The following SLC2A10 variants were observed in gnomAD, a reference collection of about 807,000 sequenced individuals.
SLC2A10 encodes the protein solute carrier family 2, facilitated glucose transporter member 10.
A neutral mutation model predicts 32.1 loss-of-function variants in SLC2A10; 25 were observed. That is an observed-to-expected ratio of 0.78 (90% confidence interval 0.57 to 1.09). The LOEUF (loss-of-function observed/expected upper bound fraction) is 1.09, where lower values mean the gene tolerates loss of function less well. SLC2A10 is among the 50% of genes least tolerant of loss of function. The pLI is 0.00. For synonymous variants in SLC2A10, 332 were observed against 309.6 expected (o/e 1.07, Z -0.76); for missense variants, 673 against 686.5 (o/e 0.98, Z 0.22).
chr20:46,725,093 C>T lies in SLC2A10; in HGVS notation c.57C>T (p.Gly19=), dbSNP rs1600666379. The T allele has an allele frequency of 1.2e-6, 2 of 1,614,070 alleles. No individual in the cohort carries two copies. The change falls in exon 2 of 5, where the codon GGC becomes GGT. Residue 19 remains glycine, a synonymous_variant. Coordinates refer to ENST00000359271, the MANE Select transcript of SLC2A10 (RefSeq NM_030777.4). The part of the protein sequence containing the change: ...PLCASVSLLG[G]LTFGYELAVI... ...GTGCCTCTGTGTCTTTGCTGGGTGG[C>T]CTGACCTTTGGTTATGAACTGGCAG...
chr20:46,725,262 C>G lies in SLC2A10; in HGVS notation c.226C>G (p.Gln76Glu), dbSNP rs763261551. Residue 76 changes from glutamine (Q) to glutamate (E), a missense_variant, in exon 2 of 5, where the codon CAA becomes GAA. By Grantham distance (29) the Gln-to-Glu change is conservative. Transcript: ENST00000359271. ...GFLIDCYGRK[Q>E]AILGSNLVLL... The stretch of plus-strand genomic sequence containing the variant: ...CCTCATTGACTGCTATGGCAGGAAG[C>G]AAGCCATCCTCGGGAGCAACTTGGT... The G allele has an allele frequency of 6.2e-7, 1 of 1,614,106 alleles. No homozygotes were observed. Among genetic ancestry groups the G allele is most frequent in the East Asian group, 2.2e-5 (1 of 44,874 alleles).
intron 1 of SLC2A10, among the ~76,000 whole-genome samples, chr20:46,711,841 C>T (rs1233333746): frequency 6.6e-6 from 1 of 152,172 alleles, no homozygotes; most frequent in Non-Finnish European, 1.5e-5. Flanking sequence ...ATCAAATACC[C>T]TTATCACAGG....
chr20:46,727,849 G>C (rs1980060314), intron 3 of SLC2A10, among the ~76,000 whole-genome samples: 1 of 152,148 alleles, frequency 6.6e-6, no homozygotes, highest in African/African-American at 2.4e-5. Context: ...ACAGTTCTTA[G>C]GGTTCAGTTA....
At chr20:46,716,072 T>A (rs1169769398) in intron 1 of SLC2A10, among the ~76,000 whole-genome samples, 1 of 152,140 alleles carries the variant, frequency 6.6e-6, no homozygotes, top group Non-Finnish European at 1.5e-5. Context: ...TGACCTTAAG[T>A]GAGTTGCTTT....
intron 1 of SLC2A10, among the ~76,000 whole-genome samples, chr20:46,714,069 G>T (rs1034611091): frequency 2.0e-5 from 3 of 152,142 alleles, no homozygotes; most frequent in African/African-American, 7.2e-5. Context: ...CCAACCTTCA[G>T]AAAATCCAGA....
chr20:46,733,713 A>G, intron 4 of SLC2A10, 43 bp from the exon 5 acceptor site: 1 of 1,559,938 alleles, frequency 6.4e-7, no homozygotes, highest in African/African-American at 1.4e-5. Context: ...GGACGGCCCC[A>G]GGCCCTGCCA....
At chr20:46,721,397 T>G (rs972202738) in intron 1 of SLC2A10, among the ~76,000 whole-genome samples, 1 of 150,016 alleles carries the variant, frequency 6.7e-6, no homozygotes, top group Non-Finnish European at 1.5e-5. Flanking sequence ...ACTATATATG[T>G]GTAAAAATGA....
chr20:46,725,559 G>A lies in SLC2A10; in HGVS notation c.523G>A (p.Ala175Thr). 1.9e-6 allele frequency: 3 copies of A among 1,614,180 alleles called. No homozygotes were observed. The highest frequency in any genetic ancestry group is 1.7e-5 in the Admixed American group (1 of 60,026). The stretch of plus-strand genomic sequence containing the variant: ...CATGTTCGGCTGGGCCACTGCACCT[G>A]CTGTCCTGCAATCCCTCAGCCTCCT... ...RHMFGWATAPAVLQSLSLLFL... is the reference protein window; with the variant it reads ...RHMFGWATAPTVLQSLSLLFL... The change falls in exon 2 of 5, where the codon GCT becomes ACT. Residue 175 changes from alanine to threonine, a missense_variant. Transcript: ENST00000359271.
chr20:46,733,868 G>C lies in SLC2A10; in HGVS notation c.*34G>C. On this transcript the variant is annotated 3_prime_UTR_variant, in exon 5 of 5. Coordinates refer to ENST00000359271, the MANE Select transcript of SLC2A10 (RefSeq NM_030777.4). ...TCTGCCTGGAAATTCTGGAACTGTG[G>C]CTTTGGCAGACCATCTCCAGCATCC... 1 of 1,601,546 alleles carries C rather than the reference G, an allele frequency of 6.2e-7. No individual in the cohort carries two copies. The highest frequency in any genetic ancestry group is 8.6e-7 in the Non-Finnish European group (1 of 1,168,962).
intron 1 of SLC2A10, among the ~76,000 whole-genome samples, chr20:46,711,151 G>A (rs1025749334): frequency 2.6e-5 from 4 of 152,212 alleles, no homozygotes; most frequent in Non-Finnish European, 5.9e-5. Flanking sequence ...GAGCCTCCGC[G>A]CCCGGCCCTG....
At chr20:46,709,362 A>G (rs1009809106), upstream of SLC2A10, 32 of 331,588 alleles carry the variant, frequency 9.7e-5, no homozygotes, top group African/African-American at 5.5e-4. Flanking sequence ...CCAGGGGAAG[A>G]CAGTGCGTGT....
At chr20:46,716,979 C>T (rs560627888) in intron 1 of SLC2A10, among the ~76,000 whole-genome samples, 13 of 152,142 alleles carry the variant, frequency 8.5e-5, no homozygotes, top group South Asian at 6.2e-4. Flanking sequence ...GCCGGAATTA[C>T]GCCACTGCGC....
chr20:46,711,120 T>C (rs1978885984), intron 1 of SLC2A10, among the ~76,000 whole-genome samples: 1 of 152,210 alleles, frequency 6.6e-6, no homozygotes, highest in African/African-American at 2.4e-5. Flanking sequence ...TCCGGCTGCC[T>C]CGGCTTGGGA....
At chr20:46,727,034 CCTACT>C in intron 3 of SLC2A10, 48 bp downstream of exon 3, 1 of 1,613,846 alleles carries the variant, frequency 6.2e-7, no homozygotes, top group African/African-American at 1.3e-5. Flanking sequence ...GCCCAAGCTC[CCTACT>C]CTAAAGCAGA....
At chr20:46,710,411 A>G (rs1368153492) in intron 1 of SLC2A10, 1 of 189,850 alleles carries the variant, frequency 5.3e-6, no homozygotes, top group Non-Finnish European at 1.1e-5. Flanking sequence ...CAATGAACAA[A>G]ATAGACAATA....
At position 46,725,958 on chromosome 20, in the gene SLC2A10, G is replaced by A; in HGVS notation, c.922G>A (p.Ala308Thr). The A allele has an allele frequency of 1.2e-6, 2 of 1,613,740 alleles. No homozygotes were observed. Among genetic ancestry groups the A allele is most frequent in the African/African-American group, 1.3e-5 (1 of 75,056 alleles). ...GTTGCTAGCTGGCTGTGCCCTCATGGCCCTGTCCGTCAGTGGCATAGGCCT... is the reference window on the plus strand; with the variant it reads ...GTTGCTAGCTGGCTGTGCCCTCATGACCCTGTCCGTCAGTGGCATAGGCCT... ...ALLLAGCALMALSVSGIGLVS... is the reference protein window; with the variant it reads ...ALLLAGCALMTLSVSGIGLVS... The change falls in exon 2 of 5, where the codon GCC (alanine) becomes ACC (threonine). Residue 308 changes from alanine (A) to threonine (T), a missense_variant. By Grantham distance (58) the Ala-to-Thr change is moderately conservative. Coordinates refer to ENST00000359271, the MANE Select transcript of SLC2A10 (RefSeq NM_030777.4).
chr20:46,730,170 G>A (rs1000529404), intron 4 of SLC2A10, among the ~76,000 whole-genome samples: 1 of 152,118 alleles, frequency 6.6e-6, no homozygotes, highest in African/African-American at 2.4e-5. Context: ...CACGCAAAAC[G>A]CTTGTGGGCT....
At position 46,709,664 on chromosome 20, in the gene SLC2A10, C is replaced by T; in HGVS notation, c.-73C>T. The T allele has an allele frequency of 5.3e-6, 8 of 1,519,290 alleles. No homozygotes were observed. Among genetic ancestry groups the T allele is most frequent in the East Asian group, 2.6e-5 (1 of 38,514 alleles). 94.1% of individuals were successfully genotyped at this position (1,519,290 alleles called of 1,614,324 possible). A position where few individuals can be genotyped will look rare whatever the true frequency, so the allele number is the denominator to read the frequency against. ...CGGAAAGTTTGTCCGGCGGCAGCGG[C>T]GTTGGGGACTCCGGCGGGGGATGCG... On this transcript the variant is annotated 5_prime_UTR_variant, in exon 1 of 5. Coordinates refer to ENST00000359271, the MANE Select transcript of SLC2A10 (RefSeq NM_030777.4).
chr20:46,717,490 A>T (rs1344627842), intron 1 of SLC2A10, among the ~76,000 whole-genome samples: 1 of 151,954 alleles, frequency 6.6e-6, no homozygotes, highest in Non-Finnish European at 1.5e-5. Flanking sequence ...GGTTTAATTG[A>T]TTCTCCCACC....
Sources: allele counts gnomAD v4.1 joint callset (sites outside exome capture counted in the v4.1 genomes callset), GRCh38; gene constraint gnomAD v4.1.1; transcripts MANE v1.5; gene names NCBI Gene and HGNC (gene_info 2026-07-23, HGNC 2026-07-21).